Variants in PDE1A observed in about 807,000 individuals in gnomAD.
PDE1A encodes the protein phosphodiesterase 1A, also known as dual specificity calcium/calmodulin-dependent 3',5'-cyclic nucleotide phosphodiesterase 1A.
In PDE1A, 35 loss-of-function variants were observed where a neutral mutation model predicts 61.7. That is an observed-to-expected ratio of 0.57 (90% CI 0.43 to 0.75). PDE1A has a LOEUF of 0.75. Among genes scored for constraint, PDE1A ranks in the 30% least tolerant of loss-of-function variants. The probability of loss-of-function intolerance (pLI) is 0.00; values close to 1 mark genes in which losing one functional copy is unlikely to be tolerated. For synonymous variants in PDE1A, 232 were observed against 213.2 expected (o/e 1.09, Z -0.77); for missense variants, 597 against 630.6 (o/e 0.95, Z 0.57).
chr2:182,543,633 C>A, the PDE1A span, among the ~76,000 whole-genome samples: 1 of 151,820 alleles, frequency 6.6e-6, no homozygotes, highest in Non-Finnish European at 1.5e-5. Context: ...TAATCAAAGA[C>A]ATGTAATCTT....
At chr2:182,383,456 T>A (rs918743277) in intron 1 of PDE1A, among the ~76,000 whole-genome samples, 9 of 152,258 alleles carry the variant, frequency 5.9e-5, no homozygotes, top group South Asian at 2.1e-4. Context: ...TATATGACAG[T>A]TTATCTGAAT....
At chr2:182,656,016 T>C in the PDE1A span, among the ~76,000 whole-genome samples, 51 of 152,330 alleles carry the variant, frequency 3.3e-4, no homozygotes, top group Non-Finnish European at 6.6e-4. Context: ...CCTGACCCTG[T>C]GGTTGTCCTT....
chr2:182,616,396 T>C, the PDE1A span, among the ~76,000 whole-genome samples: 1 of 152,260 alleles, frequency 6.6e-6, no homozygotes, highest in Non-Finnish European at 1.5e-5. Context: ...AACTCATTCA[T>C]GTGGCACACC....
At chr2:182,659,634 C>A in the PDE1A span, among the ~76,000 whole-genome samples, 1 of 152,144 alleles carries the variant, frequency 6.6e-6, no homozygotes, top group Non-Finnish European at 1.5e-5. Context: ...TATGAAAGAG[C>A]TTGAACTCAA....
intron 1 of PDE1A, among the ~76,000 whole-genome samples, chr2:182,328,194 A>C (rs1697171812): frequency 6.6e-6 from 1 of 152,184 alleles, no homozygotes; most frequent in South Asian, 2.1e-4. Context: ...AGAGTATTTA[A>C]GCCTGTAGCA....
chr2:182,466,394 T>C (rs1053415917), intron 2 of PDE1A, among the ~76,000 whole-genome samples: 1 of 152,024 alleles, frequency 6.6e-6, no homozygotes, highest in East Asian at 1.9e-4. Context: ...TTAAATAAAA[T>C]GTTTGTCATT....
chr2:182,493,827 A>T (rs1371365893), intron 2 of PDE1A, among the ~76,000 whole-genome samples: 1 of 152,208 alleles, frequency 6.6e-6, no homozygotes, highest in African/African-American at 2.4e-5. Flanking sequence ...TTGCAAGGAC[A>T]GGAAACCAAA....
At chr2:182,579,507 C>T in the PDE1A span, among the ~76,000 whole-genome samples, 1 of 152,186 alleles carries the variant, frequency 6.6e-6, no homozygotes, top group African/African-American at 2.4e-5. Flanking sequence ...AGAAACACAG[C>T]TAATGAAGAT....
intron 1 of PDE1A, among the ~76,000 whole-genome samples, chr2:182,410,123 G>A (rs1304501085): frequency 6.6e-6 from 1 of 152,138 alleles, no homozygotes; most frequent in Admixed American, 6.5e-5. Context: ...AGGCTAAGGC[G>A]AGAGGATCAC....
intron 2 of PDE1A, among the ~76,000 whole-genome samples, chr2:182,455,026 C>A (rs1465468983): frequency 2.0e-5 from 3 of 151,878 alleles, no homozygotes; most frequent in Non-Finnish European, 4.4e-5. Flanking sequence ...GGGCTAATAT[C>A]CAGAATCTAC....
intron 2 of PDE1A, among the ~76,000 whole-genome samples, chr2:182,468,653 T>C (rs187173049): frequency 1.3e-5 from 2 of 151,994 alleles, no homozygotes; most frequent in Admixed American, 6.6e-5. Context: ...GGATTTGGAA[T>C]AGCAAATCCT....
intron 1 of PDE1A, among the ~76,000 whole-genome samples, chr2:182,358,471 G>A (rs1454616474): frequency 5.9e-5 from 9 of 152,040 alleles, no homozygotes; most frequent in Non-Finnish European, 1.3e-4. Context: ...CTGCATTTAT[G>A]TTTTTCATCC....
the PDE1A span, among the ~76,000 whole-genome samples, chr2:182,557,846 T>A: frequency 3.9e-5 from 6 of 152,170 alleles, no homozygotes; most frequent in Non-Finnish European, 7.3e-5. Flanking sequence ...AAAACATCCA[T>A]AGCTTGAGCA....
chr2:182,148,045 G>A (rs1048500208), intron 13 of PDE1A, among the ~76,000 whole-genome samples: 13 of 152,104 alleles, frequency 8.5e-5, no homozygotes, highest in Admixed American at 8.5e-4. Flanking sequence ...TTGTCTTTAC[G>A]ATATGGAGGG....
At chr2:182,540,315 G>A in the PDE1A span, among the ~76,000 whole-genome samples, 1 of 141,422 alleles carries the variant, frequency 7.1e-6, no homozygotes, top group East Asian at 2.2e-4. Context: ...AATGAGCTGA[G>A]ACATACCACT....
intron 4 of PDE1A, among the ~76,000 whole-genome samples, chr2:182,232,819 A>G (rs1456179475): frequency 2.0e-5 from 3 of 152,206 alleles, no homozygotes; most frequent in Non-Finnish European, 4.4e-5. Context: ...TTACAGTTCC[A>G]ACTTGGGGGT....
chr2:182,682,348 T>A, the PDE1A span, among the ~76,000 whole-genome samples: 1 of 152,140 alleles, frequency 6.6e-6, no homozygotes, highest in Admixed American at 6.5e-5. Context: ...GGAAGAAATG[T>A]AAACATGTGT....
chr2:182,142,732 C>G (rs1192550414), downstream of PDE1A: 1 of 152,136 alleles, frequency 6.6e-6, no homozygotes, highest in African/African-American at 2.4e-5. Context: ...ATTGCACAGT[C>G]ATTATGACAG....
intron 13 of PDE1A, among the ~76,000 whole-genome samples, chr2:182,157,434 T>C (rs752928833): frequency 3.9e-5 from 6 of 152,198 alleles, no homozygotes; most frequent in Non-Finnish European, 8.8e-5. Context: ...AGCTATGAAC[T>C]GTTTCTAACC....
Sources: gnomAD v4.1 joint callset for allele counts (sites outside exome capture counted in the v4.1 genomes callset) on GRCh38, gnomAD v4.1.1 for gene constraint, MANE v1.5 for transcripts, NCBI Gene and HGNC (gene_info 2026-07-23, HGNC 2026-07-21) for gene names.